Variants in TOM1L1 observed in about 807,000 individuals in gnomAD.
TOM1L1 encodes the protein target of myb1 like 1 membrane trafficking protein, also known as TOM1-like protein 1.
TOM1L1 carries 64 observed loss-of-function variants against 63.4 expected under a neutral mutation model. That is an observed-to-expected ratio of 1.01 (90% CI 0.83 to 1.24). TOM1L1 has a LOEUF of 1.24. Ranked by LOEUF, TOM1L1 falls within the 50% of genes most tolerant of loss-of-function variation. The probability of loss-of-function intolerance (pLI) is 0.00; values close to 1 mark genes in which losing one functional copy is unlikely to be tolerated. For missense variants in TOM1L1, 536 were observed against 567.0 expected, an observed-to-expected ratio of 0.95 and a Z score of 0.55; for synonymous variants, 166 against 194.4, an observed-to-expected ratio of 0.85 and a Z score of 1.22.
rs202168049 is a variant in TOM1L1, at chr17:54,910,764, C to A, written c.223-1902C>A. 7.9e-5 allele frequency among the ~76,000 whole-genome samples: 12 copies of A among 152,314 alleles called. No individual in the cohort carries two copies. In the East Asian group the frequency reaches 2.1e-3, roughly 27 times the overall value. ...TATTTTTCTTTGCCTTAAAGGTTTT[C>A]CCTGTGTTTCACACAGCTGCATGTT... On this transcript the variant is annotated intron_variant, in intron 3 of 15. Transcript: ENST00000575882.
Position 54,950,082 on chromosome 17 carries a change from C to G in TOM1L1, c.1326C>G (p.Tyr442Ter), listed in dbSNP as rs752604183. The G allele has an allele frequency of 8.1e-6, 13 of 1,613,888 alleles. No individual in the cohort carries two copies. The highest frequency in any genetic ancestry group is 1.1e-5 in the Non-Finnish European group (13 of 1,179,872). The change falls in exon 14 of 16, where the codon TAC (tyrosine) becomes TAG (stop). Residue 442 changes from tyrosine to a stop codon, truncating the protein, a stop_gained. Coordinates refer to ENST00000575882, the MANE Select transcript of TOM1L1 (RefSeq NM_005486.3). LOFTEE classifies it high-confidence loss of function. ...GTGATCTCCAGCCACCTAATTACTA[C>G]GAGGTAATGGAGTTTGATCCCTTAG... ...TKSDLQPPNY[Y>*]EVMEFDPLAP...
intron 8 of TOM1L1, among the ~76,000 whole-genome samples, chr17:54,933,776 C>T (rs935965267): frequency 3.3e-5 from 5 of 152,178 alleles, no homozygotes; most frequent in Admixed American, 6.5e-5. Context: ...CCACCTCGGC[C>T]TCCCAAAGTG....
In TOM1L1 at chr17:54,958,599, C is replaced by T. The variant is rs749599704; in HGVS notation, c.1371-1967C>T. On this transcript the variant is annotated intron_variant, in intron 14 of 15. Transcript: ENST00000575882. Reference sequence around the variant, plus strand: ...TACAAAAATTAGCCAGGCGTGGTAGCGGGTGTCTGTAATTCCAACTATTCG... The same window carrying T: ...TACAAAAATTAGCCAGGCGTGGTAGTGGGTGTCTGTAATTCCAACTATTCG... 4.6e-5 allele frequency among the ~76,000 whole-genome samples: 7 copies of T among 152,012 alleles called. No individual in the cohort carries two copies. In the East Asian group the frequency reaches 9.7e-4, roughly 21 times the overall value.
intron 7 of TOM1L1, among the ~76,000 whole-genome samples, chr17:54,924,022 GATCGT>G (rs2048727043): frequency 6.6e-6 from 1 of 151,960 alleles, no homozygotes; most frequent in Non-Finnish European, 1.5e-5. Flanking sequence ...ATGTAAACCA[GATCGT>G]GTTGTTCCTT....
intron 9 of TOM1L1, 50 bp downstream of exon 9, chr17:54,936,759 TAC>T: frequency 6.6e-7 from 1 of 1,510,236 alleles, no homozygotes; most frequent in Non-Finnish European, 9.0e-7. Context: ...TTTTGCCAAT[TAC>T]AGTGAGAAGC....
At chr17:54,909,089 T>C (rs2048457303) in intron 3 of TOM1L1, among the ~76,000 whole-genome samples, 1 of 152,122 alleles carries the variant, frequency 6.6e-6, no homozygotes, top group African/African-American at 2.4e-5. Context: ...TAATACCCTG[T>C]CTCTACTGAA....
At chr17:54,933,201 T>C (rs765384836) in intron 8 of TOM1L1, among the ~76,000 whole-genome samples, 4 of 152,212 alleles carry the variant, frequency 2.6e-5, no homozygotes, top group Non-Finnish European at 5.9e-5. Context: ...GGCTGTTCAC[T>C]TTCCTTGGCT....
intron 14 of TOM1L1, among the ~76,000 whole-genome samples, chr17:54,950,686 C>T (rs1334218338): frequency 6.6e-6 from 1 of 152,112 alleles, no homozygotes; most frequent in Non-Finnish European, 1.5e-5. Context: ...AGGTTACCCC[C>T]AAATTGTTAA....
At chr17:54,911,800 A>G (rs928740127) in intron 3 of TOM1L1, among the ~76,000 whole-genome samples, 2 of 152,228 alleles carry the variant, frequency 1.3e-5, no homozygotes, top group African/African-American at 4.8e-5. Flanking sequence ...CCTATCCAGA[A>G]TATTACTTTG....
intron 2 of TOM1L1, 55 bp downstream of exon 2, chr17:54,903,847 C>A: frequency 6.8e-7 from 1 of 1,478,118 alleles, no homozygotes; most frequent in Non-Finnish European, 9.4e-7. Context: ...ATCAGAACTA[C>A]AGCACGTTTT....
chr17:54,950,467 T>A (rs1480594026), intron 14 of TOM1L1, among the ~76,000 whole-genome samples: 1 of 152,190 alleles, frequency 6.6e-6, no homozygotes, highest in Non-Finnish European at 1.5e-5. Flanking sequence ...TTATGCCACA[T>A]TGATGGAATA....
chr17:54,947,017 G>A (rs1218816880), intron 11 of TOM1L1, among the ~76,000 whole-genome samples: 1 of 152,156 alleles, frequency 6.6e-6, no homozygotes, highest in Non-Finnish European at 1.5e-5. Context: ...CTGATGGAAA[G>A]ACTAAAGGCT....
chr17:54,940,670 AAGT>A (rs1310790368), intron 11 of TOM1L1, among the ~76,000 whole-genome samples: 1 of 152,174 alleles, frequency 6.6e-6, no homozygotes, highest in Non-Finnish European at 1.5e-5. Flanking sequence ...ATTTATTGCT[AAGT>A]AGGAAAAAAA....
intron 8 of TOM1L1, among the ~76,000 whole-genome samples, chr17:54,932,311 G>A (rs144380020): frequency 2.4e-3 from 365 of 152,194 alleles, no homozygotes; most frequent in African/African-American, 8.6e-3. Context: ...TAATTAGATC[G>A]GAACAAAACA....
At chr17:54,932,946 G>A (rs1001390264) in intron 8 of TOM1L1, among the ~76,000 whole-genome samples, 2 of 152,220 alleles carry the variant, frequency 1.3e-5, no homozygotes, top group African/African-American at 4.8e-5. Context: ...GCTCTCAGGA[G>A]ATTGGATTAC....
At chr17:54,902,523 C>T (rs2048343845) in intron 1 of TOM1L1, among the ~76,000 whole-genome samples, 1 of 152,302 alleles carries the variant, frequency 6.6e-6, no homozygotes, top group South Asian at 2.1e-4. Context: ...CTCCTGACCT[C>T]AGGTGATCTA....
intron 7 of TOM1L1, 110 bp downstream of exon 7, chr17:54,915,972 C>A: frequency 2.9e-6 from 2 of 697,418 alleles, no homozygotes; most frequent in Non-Finnish European, 2.4e-6. Context: ...CATCCTCCTA[C>A]ATCCTGATTT....
chr17:54,955,638 T>G (rs908139970), intron 14 of TOM1L1, among the ~76,000 whole-genome samples: 1 of 151,992 alleles, frequency 6.6e-6, no homozygotes, highest in Non-Finnish European at 1.5e-5. Flanking sequence ...ACAAGCATCC[T>G]TGTCTTTTTG....
chr17:54,945,479 C>T (rs1433807968), intron 11 of TOM1L1, among the ~76,000 whole-genome samples: 2 of 152,168 alleles, frequency 1.3e-5, no homozygotes, highest in African/African-American at 4.8e-5. Flanking sequence ...TTTCTGCTCT[C>T]CTGCTGGAAC....
Sources: gnomAD v4.1 joint callset for allele counts (sites outside exome capture counted in the v4.1 genomes callset) on GRCh38, gnomAD v4.1.1 for gene constraint, MANE v1.5 for transcripts, NCBI Gene and HGNC (gene_info 2026-07-23, HGNC 2026-07-21) for gene names.